PTPRD: variants seen among roughly 807,000 people sequenced by gnomAD.
PTPRD encodes the protein protein tyrosine phosphatase receptor type D, also known as receptor-type tyrosine-protein phosphatase delta.
Under a neutral mutation model 214.5 loss-of-function variants are expected in PTPRD, and 34 were observed. The observed-to-expected ratio is 0.16, with a 90% confidence interval of 0.12 to 0.21. The LOEUF is 0.21. PTPRD is among the 10% of genes least tolerant of loss of function. PTPRD has a pLI of 1.00. For synonymous variants in PTPRD, 1,128 were observed against 845.7 expected (o/e 1.33, Z -5.79); for missense variants, 2,545 against 2,398.7 (o/e 1.06, Z -1.27).
chr9:9,477,618 T>C (rs988488051), intron 8 of PTPRD, among the ~76,000 whole-genome samples: 4 of 152,174 alleles, frequency 2.6e-5, no homozygotes, highest in African/African-American at 7.2e-5. Context: ...AAAACAAGTA[T>C]GACAATGATT....
At chr9:9,303,647 T>C (rs892499619) in intron 9 of PTPRD, among the ~76,000 whole-genome samples, 3 of 152,038 alleles carry the variant, frequency 2.0e-5, no homozygotes, top group Admixed American at 6.6e-5. Flanking sequence ...AGTCAACATG[T>C]GGATTGGTAT....
At chr9:8,664,240 T>A (rs1429968286) in intron 12 of PTPRD, among the ~76,000 whole-genome samples, 1 of 152,140 alleles carries the variant, frequency 6.6e-6, no homozygotes, top group Admixed American at 6.6e-5. Flanking sequence ...AATAAGCCTT[T>A]AAAAAAATGA....
At chr9:10,187,696 G>A (rs1002605959) in intron 3 of PTPRD, among the ~76,000 whole-genome samples, 4 of 152,158 alleles carry the variant, frequency 2.6e-5, no homozygotes, top group African/African-American at 4.8e-5. Context: ...CAGGTGCAAC[G>A]GAGGTTTTCT....
intron 3 of PTPRD, among the ~76,000 whole-genome samples, chr9:10,283,125 T>TACACACACACACAC: frequency 6.7e-6 from 1 of 149,494 alleles, no homozygotes; most frequent in South Asian, 2.1e-4. Flanking sequence ...CCTGCATATG[T>TACACACACACACAC]ACACACACAC....
At chr9:8,622,907 G>A (rs1213173937) in intron 14 of PTPRD, among the ~76,000 whole-genome samples, 4 of 151,866 alleles carry the variant, frequency 2.6e-5, no homozygotes, top group Non-Finnish European at 5.9e-5. Flanking sequence ...GGGAAAACGA[G>A]GTGGGAGGAT....
chr9:9,037,931 G>A (rs1733774302), intron 10 of PTPRD, among the ~76,000 whole-genome samples: 1 of 152,174 alleles, frequency 6.6e-6, no homozygotes. Context: ...TTTGAGCCAT[G>A]CAACTCTGGG....
intron 12 of PTPRD, among the ~76,000 whole-genome samples, chr9:8,731,250 TG>T (rs927211495): frequency 6.6e-6 from 1 of 152,040 alleles, no homozygotes; most frequent in African/African-American, 2.4e-5. Flanking sequence ...CAAACTAGAG[TG>T]GTTTCTTTCC....
chr9:9,244,438 G>C (rs561895300), intron 9 of PTPRD, among the ~76,000 whole-genome samples: 2 of 152,184 alleles, frequency 1.3e-5, no homozygotes, highest in South Asian at 4.1e-4. Flanking sequence ...CCAATACAGA[G>C]ATATAGACCA....
chr9:9,567,582 G>C (rs2084970881), intron 8 of PTPRD, among the ~76,000 whole-genome samples: 1 of 151,848 alleles, frequency 6.6e-6, no homozygotes, highest in Admixed American at 6.6e-5. Flanking sequence ...TATTGCCTCA[G>C]GGAAAATAAA....
intron 4 of PTPRD, among the ~76,000 whole-genome samples, chr9:10,010,025 G>A (rs140878782): frequency 3.3e-5 from 5 of 151,848 alleles, no homozygotes; most frequent in Admixed American, 1.3e-4. Flanking sequence ...CCCCTTGGCC[G>A]AGAGGAGGGG....
At chr9:10,097,596 G>C (rs941025387) in intron 3 of PTPRD, among the ~76,000 whole-genome samples, 1 of 151,748 alleles carries the variant, frequency 6.6e-6, no homozygotes, top group Non-Finnish European at 1.5e-5. Context: ...TTTGTATCCT[G>C]AGACTTTGCT....
At chr9:9,581,949 T>C (rs1286236884) in intron 7 of PTPRD, among the ~76,000 whole-genome samples, 1 of 152,150 alleles carries the variant, frequency 6.6e-6, no homozygotes, top group South Asian at 2.1e-4. Flanking sequence ...CCATAATAGA[T>C]TTGATATTCT....
At chr9:10,534,909 C>T (rs1041310469) in intron 2 of PTPRD, among the ~76,000 whole-genome samples, 2 of 152,142 alleles carry the variant, frequency 1.3e-5, no homozygotes, top group Admixed American at 6.6e-5. Flanking sequence ...AACTATTTGA[C>T]CATTGCAATA....
chr9:8,455,278 T>C (rs1204775513), intron 33 of PTPRD, among the ~76,000 whole-genome samples: 1 of 152,204 alleles, frequency 6.6e-6, no homozygotes, highest in Non-Finnish European at 1.5e-5. Flanking sequence ...GTTGGGCTAA[T>C]CCAGAAAAAC....
chr9:9,829,632 C>G (rs926403437), intron 5 of PTPRD, among the ~76,000 whole-genome samples: 1 of 151,812 alleles, frequency 6.6e-6, no homozygotes, highest in Non-Finnish European at 1.5e-5. Context: ...TTTCCATATA[C>G]AGGATAACAT....
intron 8 of PTPRD, among the ~76,000 whole-genome samples, chr9:9,407,106 T>C (rs2073753227): frequency 6.6e-6 from 1 of 151,834 alleles, no homozygotes; most frequent in South Asian, 2.1e-4. Flanking sequence ...ACCACCACCA[T>C]TTAAGTTCAA....
chr9:9,516,991 A>G (rs188049565), intron 8 of PTPRD, among the ~76,000 whole-genome samples: 8 of 152,306 alleles, frequency 5.3e-5, no homozygotes, highest in Admixed American at 2.6e-4. Flanking sequence ...AACAAATGAT[A>G]TAAACATAAT....
intron 9 of PTPRD, among the ~76,000 whole-genome samples, chr9:9,338,684 C>CT (rs2045566693): frequency 6.6e-6 from 1 of 152,002 alleles, no homozygotes; most frequent in African/African-American, 2.4e-5. Context: ...TCAAAACTTC[C>CT]TTTTTTCCAA....
chr9:10,132,919 G>C (rs1455180338), intron 3 of PTPRD, among the ~76,000 whole-genome samples: 1 of 150,680 alleles, frequency 6.6e-6, no homozygotes, highest in Non-Finnish European at 1.5e-5. Context: ...ATGGCCAATA[G>C]GATACAACAG....
Sources: allele counts gnomAD v4.1 joint callset (sites outside exome capture counted in the v4.1 genomes callset), GRCh38; gene constraint gnomAD v4.1.1; transcripts MANE v1.5; gene names NCBI Gene and HGNC (gene_info 2026-07-23, HGNC 2026-07-21).